Variants in HK2 observed in about 807,000 individuals in gnomAD.
HK2 encodes the protein hexokinase-2.
HK2 carries 42 observed loss-of-function variants against 92.9 expected under a neutral mutation model. The ratio of observed to expected loss-of-function variants is 0.45; its 90% CI spans 0.35 to 0.58. The LOEUF (loss-of-function observed/expected upper bound fraction) is 0.58, where lower values mean the gene tolerates loss of function less well. Ranked by LOEUF, HK2 falls within the 20% of genes least tolerant of loss-of-function variation. The pLI, the probability that HK2 is intolerant of heterozygous loss-of-function variation, is 0.00. For synonymous variants in HK2, 422 were observed against 468.0 expected, an observed-to-expected ratio of 0.90 and a Z score of 1.27; for missense variants, 978 against 1,245.1, an observed-to-expected ratio of 0.79 and a Z score of 3.23.
intron 2 of HK2, among the ~76,000 whole-genome samples, chr2:74,857,820 G>A (rs886614662): frequency 1.3e-5 from 2 of 152,154 alleles, no homozygotes; most frequent in Non-Finnish European, 2.9e-5. Context: ...CAGCACCCCA[G>A]TGAAGTGCTG....
chr2:74,882,808 C>G (rs1349510018), intron 12 of HK2, among the ~76,000 whole-genome samples: 2 of 151,512 alleles, frequency 1.3e-5, no homozygotes, highest in Non-Finnish European at 1.5e-5. Context: ...CTGGCCAAGC[C>G]AAGATTTGGA....
At chr2:74,875,996 G>A (rs947376387) in intron 7 of HK2, among the ~76,000 whole-genome samples, 1 of 152,198 alleles carries the variant, frequency 6.6e-6, no homozygotes, top group Non-Finnish European at 1.5e-5. Flanking sequence ...TCTTCCAAAT[G>A]TTGACTGGAA....
At chr2:74,848,152 C>T (rs966757945) in intron 1 of HK2, among the ~76,000 whole-genome samples, 3 of 152,138 alleles carry the variant, frequency 2.0e-5, no homozygotes, top group Admixed American at 6.5e-5. Flanking sequence ...AAAGTATCCC[C>T]TTTGATTGCC....
At chr2:74,864,228 T>G (rs867772864) in intron 2 of HK2, among the ~76,000 whole-genome samples, 7 of 152,196 alleles carry the variant, frequency 4.6e-5, no homozygotes, top group Non-Finnish European at 1.0e-4. Context: ...GATCTGACCT[T>G]CTTAAGAACG....
Position 74,872,287 on chromosome 2 carries a change from C to A in HK2, c.376-13C>A. The A allele has an allele frequency of 6.2e-7, 1 of 1,613,818 alleles. No homozygotes were observed. Among genetic ancestry groups the A allele is most frequent in the South Asian group, 1.1e-5 (1 of 91,050 alleles). On this transcript the variant is annotated splice_polypyrimidine_tract_variant and intron_variant, in intron 3 of 17. Coordinates refer to ENST00000290573, the MANE Select transcript of HK2 (RefSeq NM_000189.5). ...GACCTCTCTGCTCACCACCCTGTGT[C>A]ATGTATCCTTAGCTGTTTGACCACA...
chr2:74,862,155 C>A (rs1014076257), intron 2 of HK2, among the ~76,000 whole-genome samples: 1 of 152,190 alleles, frequency 6.6e-6, no homozygotes, highest in Admixed American at 6.5e-5. Context: ...GGTAGGTACG[C>A]TGAACTTCAC....
chr2:74,849,966 C>T (rs1405831572), intron 1 of HK2, among the ~76,000 whole-genome samples: 1 of 152,226 alleles, frequency 6.6e-6, no homozygotes, highest in Non-Finnish European at 1.5e-5. Flanking sequence ...AAACTTACAT[C>T]TCTTAAAAAC....
chr2:74,891,123 T>C lies in HK2; in HGVS notation c.*182T>C. ...GCTTGGTGGCTGAGCTTGGCCCTAT[T>C]AAGATAAATAGAGTTCCAAATAAGG... On this transcript the variant is annotated 3_prime_UTR_variant, in exon 18 of 18. Transcript: ENST00000290573. 3.1e-6 allele frequency: 2 copies of C among 648,586 alleles called. No individual in the cohort carries two copies. 40.2% of individuals were successfully genotyped at this position (648,586 alleles called of 1,614,324 possible). A position where few individuals can be genotyped will look rare whatever the true frequency, so the allele number is the denominator to read the frequency against.
intron 1 of HK2, among the ~76,000 whole-genome samples, chr2:74,844,709 G>C (rs772332713): frequency 2.0e-5 from 3 of 152,224 alleles, no homozygotes; most frequent in Non-Finnish European, 4.4e-5. Context: ...GGCAGAGTCT[G>C]ACTTCTAGGG....
rs1277183620 is a variant in HK2 at position 74,882,253 on chromosome 2, C to T, written c.1839+14C>T. 2 of 1,613,944 alleles carry T rather than the reference C, an allele frequency of 1.2e-6. No homozygotes were observed. Among genetic ancestry groups the T allele is most frequent in the Admixed American group, 1.7e-5 (1 of 60,018 alleles). ...AGCCTGGACGAGGTAACAGCACCTT[C>T]CTGGAGGGCTCTCCTGTGGGCTTTA... On this transcript the variant is annotated intron_variant, in intron 12 of 17. Coordinates refer to ENST00000290573, the MANE Select transcript of HK2 (RefSeq NM_000189.5).
At chr2:74,877,036 C>T in intron 7 of HK2, 130 bp from the exon 8 acceptor site, 1 of 1,257,974 alleles carries the variant, frequency 7.9e-7, no homozygotes, top group Non-Finnish European at 1.1e-6. Context: ...ACGTATCTTA[C>T]TCCTGGGCCG....
chr2:74,854,268 T>C (rs1324684969), intron 1 of HK2, 25 bp from the exon 2 acceptor site: 7 of 1,611,188 alleles, frequency 4.3e-6, no homozygotes, highest in Non-Finnish European at 8.5e-7. Context: ...CAGTGGTTTC[T>C]GCTCTTGTCT....
At chr2:74,838,537 A>ATTT (rs1278313162) in intron 1 of HK2, among the ~76,000 whole-genome samples, 4 of 126,666 alleles carry the variant, frequency 3.2e-5, no homozygotes, top group South Asian at 2.5e-4. Context: ...GATTCTTTCT[A>ATTT]TTTTTTTTTT....
intron 1 of HK2, among the ~76,000 whole-genome samples, chr2:74,835,652 CTCAGAATTGAGTT>C (rs1264470828): frequency 6.6e-6 from 1 of 152,154 alleles, no homozygotes; most frequent in Non-Finnish European, 1.5e-5. Flanking sequence ...CAGGGGCGCG[CTCAGAATTGAGTT>C]TCTGAAATGC....
chr2:74,882,912 C>G (rs147906580), intron 12 of HK2, among the ~76,000 whole-genome samples: 1 of 151,970 alleles, frequency 6.6e-6, no homozygotes, highest in East Asian at 2.0e-4. Context: ...CATGCCATAT[C>G]CTGTTGTTTG....
chr2:74,852,790 G>A (rs1054180774), intron 1 of HK2, among the ~76,000 whole-genome samples: 2 of 152,214 alleles, frequency 1.3e-5, no homozygotes, highest in African/African-American at 4.8e-5. Flanking sequence ...GTGGGAAACA[G>A]GATCAGTGAA....
At chr2:74,881,336 T>A (rs1275939372) in intron 10 of HK2, among the ~76,000 whole-genome samples, 1 of 152,168 alleles carries the variant, frequency 6.6e-6, no homozygotes, top group African/African-American at 2.4e-5. Flanking sequence ...CAGACTGGGA[T>A]TTGGTCCCTG....
At chr2:74,881,361 G>A (rs934392509) in intron 10 of HK2, among the ~76,000 whole-genome samples, 2 of 152,178 alleles carry the variant, frequency 1.3e-5, no homozygotes, top group East Asian at 1.9e-4. Flanking sequence ...ACCCTGTCCT[G>A]GTCGTATGGC....
At chr2:74,887,073 G>A (rs1187467136) in intron 15 of HK2, among the ~76,000 whole-genome samples, 1 of 152,224 alleles carries the variant, frequency 6.6e-6, no homozygotes, top group Non-Finnish European at 1.5e-5. Flanking sequence ...GCCAGCCCCA[G>A]TGTCACAAGG....
Sources: allele counts gnomAD v4.1 joint callset (sites outside exome capture counted in the v4.1 genomes callset), GRCh38; gene constraint gnomAD v4.1.1; transcripts MANE v1.5; gene names NCBI Gene and HGNC (gene_info 2026-07-23, HGNC 2026-07-21).